The following EHBP1 variants were observed in gnomAD, a reference collection of about 807,000 sequenced individuals.
EHBP1 encodes EH domain-binding protein 1.
In EHBP1, 55 loss-of-function variants were observed where a neutral mutation model predicts 144.0. The ratio of observed to expected loss-of-function variants is 0.38; its 90% CI spans 0.31 to 0.48. The LOEUF (loss-of-function observed/expected upper bound fraction) is 0.48, where lower values mean the gene tolerates loss of function less well. EHBP1 is among the 20% of genes least tolerant of loss of function. The pLI, the probability that EHBP1 is intolerant of heterozygous loss-of-function variation, is 0.98. For missense variants in EHBP1, 1,200 were observed against 1,364.2 expected (o/e 0.88, Z 1.90); for synonymous variants, 469 against 472.7 (o/e 0.99, Z 0.10).
chr2:62,851,410 T>C (rs147030838), intron 7 of EHBP1, among the ~76,000 whole-genome samples: 166 of 152,306 alleles, frequency 1.1e-3, no homozygotes, highest in African/African-American at 3.6e-3. Context: ...TTAATAATCA[T>C]AATGTCTACT....
At chr2:62,851,799 G>A (rs1481631314) in intron 7 of EHBP1, among the ~76,000 whole-genome samples, 3 of 152,142 alleles carry the variant, frequency 2.0e-5, no homozygotes, top group Non-Finnish European at 4.4e-5. Context: ...AGAAGTTCTA[G>A]GAGTGAAGTA....
intron 19 of EHBP1, among the ~76,000 whole-genome samples, chr2:63,027,754 A>G (rs1363729393): frequency 1.3e-5 from 2 of 152,192 alleles, no homozygotes; most frequent in Non-Finnish European, 1.5e-5. Context: ...TTTATAATCA[A>G]AAAACATTGA....
chr2:62,958,740 A>T (rs922918277), intron 14 of EHBP1, among the ~76,000 whole-genome samples: 1 of 152,238 alleles, frequency 6.6e-6, no homozygotes, highest in Non-Finnish European at 1.5e-5. Context: ...TTACAAGAAC[A>T]TTAAAAATAC....
chr2:63,002,424 A>T lies in EHBP1; in HGVS notation c.3103+5658A>T, dbSNP rs2059884908. 2.6e-5 allele frequency among the ~76,000 whole-genome samples: 4 copies of T among 152,254 alleles called. No individual in the cohort carries two copies. The South Asian group carries it at 8.3e-4, about 32-fold the overall frequency. ...GATCTTGATCTTTTTCAATACAAAA[A>T]TGTAATCTCAGCTATTTAAAAAAGT... On this transcript the variant is annotated intron_variant, in intron 19 of 22. Coordinates refer to ENST00000431489, the MANE Select transcript of EHBP1 (RefSeq NM_001142616.3).
intron 17 of EHBP1, 65 bp from the exon 18 acceptor site, chr2:62,993,806 C>T (rs918793888): frequency 7.9e-5 from 102 of 1,291,278 alleles, no homozygotes; most frequent in Non-Finnish European, 9.8e-5. Context: ...TGTAAATTCA[C>T]ATTTCAATAC....
At chr2:62,975,265 T>C (rs767233908) in intron 14 of EHBP1, among the ~76,000 whole-genome samples, 7 of 152,084 alleles carry the variant, frequency 4.6e-5, no homozygotes, top group Non-Finnish European at 1.0e-4. Context: ...GCAGAAAGGG[T>C]ATGGCCTTTT....
At chr2:62,746,998 A>G (rs116292022) in intron 2 of EHBP1, among the ~76,000 whole-genome samples, 1 of 152,112 alleles carries the variant, frequency 6.6e-6, no homozygotes. Context: ...TAGTGAATTC[A>G]TAGATTTAAA....
chr2:62,898,086 G>A (rs1439881441), intron 10 of EHBP1, among the ~76,000 whole-genome samples: 2 of 152,146 alleles, frequency 1.3e-5, no homozygotes, highest in Admixed American at 1.3e-4. Context: ...GGAGAGAGAG[G>A]AGATGACCAG....
Position 62,948,923 on chromosome 2 carries a change from A to G in EHBP1, c.2077A>G (p.Ile693Val), listed in dbSNP as rs1044927363. Residue 693 changes from isoleucine to valine, a missense_variant, in exon 13 of 23, where the codon ATC becomes GTC. By Grantham distance (29) the Ile-to-Val change is conservative. Around this residue, in one of 6 missense-constraint regions of EHBP1, gnomAD observed 543 missense variants for 513.1 expected, o/e 1.06. Coordinates refer to ENST00000431489, the MANE Select transcript of EHBP1 (RefSeq NM_001142616.3). ...TDEQKLQTLD[I>V]GSNLEKEKLE... ...TGAACAAAAGCTTCAAACTCTAGAC[A>G]TCGGTAGTAACTTGGAGAAAGAAAA... is the stretch of plus-strand genomic sequence containing the variant. 16 of 1,613,994 alleles carry G rather than the reference A, an allele frequency of 9.9e-6. No individual in the cohort carries two copies. The African/African-American group carries it at 1.3e-4, about 13-fold the overall frequency.
chr2:62,750,507 C>G (rs1401805231), intron 3 of EHBP1, among the ~76,000 whole-genome samples: 1 of 152,172 alleles, frequency 6.6e-6, no homozygotes, highest in African/African-American at 2.4e-5. Flanking sequence ...GTAGTTTTTT[C>G]CAATTCTGTG....
At chr2:62,960,857 C>G (rs1030852048) in intron 14 of EHBP1, among the ~76,000 whole-genome samples, 2 of 152,196 alleles carry the variant, frequency 1.3e-5, no homozygotes, top group African/African-American at 2.4e-5. Flanking sequence ...CACTTGGGTA[C>G]TTAAGCTTAT....
chr2:62,754,776 A>T (rs1194279025), intron 3 of EHBP1, among the ~76,000 whole-genome samples: 1 of 151,962 alleles, frequency 6.6e-6, no homozygotes. Flanking sequence ...TGGGCGTGGG[A>T]CCCTCCGAGC....
intron 9 of EHBP1, among the ~76,000 whole-genome samples, chr2:62,869,485 T>TTGCAAGATCATTA: frequency 6.6e-6 from 1 of 152,182 alleles, no homozygotes; most frequent in African/African-American, 2.4e-5. Flanking sequence ...TGTTGGTAAA[T>TTGCAAGATCATTA]TGCAAGATCA....
At chr2:62,856,126 C>T (rs906716462) in intron 7 of EHBP1, among the ~76,000 whole-genome samples, 1 of 152,200 alleles carries the variant, frequency 6.6e-6, no homozygotes, top group African/African-American at 2.4e-5. Context: ...GTACCTCATT[C>T]TTCCTGGTTG....
At chr2:62,835,848 C>T (rs1459974336) in intron 7 of EHBP1, among the ~76,000 whole-genome samples, 4 of 152,126 alleles carry the variant, frequency 2.6e-5, no homozygotes, top group African/African-American at 7.2e-5. Context: ...CCTACGCCCA[C>T]GGAATCTGGC....
At chr2:62,849,255 C>T (rs2048511231) in intron 7 of EHBP1, among the ~76,000 whole-genome samples, 1 of 152,050 alleles carries the variant, frequency 6.6e-6, no homozygotes. Context: ...TGCCCTGAGA[C>T]TGCATTGCTG....
At chr2:62,920,673 CTTT>C (rs1031006755) in intron 10 of EHBP1, among the ~76,000 whole-genome samples, 3 of 149,252 alleles carry the variant, frequency 2.0e-5, no homozygotes, top group African/African-American at 7.4e-5. Context: ...TTTTTTTTTT[CTTT>C]TTTTGAGACA....
At chr2:62,749,248 T>C (rs2152184142) in intron 3 of EHBP1, among the ~76,000 whole-genome samples, 1 of 152,306 alleles carries the variant, frequency 6.6e-6, no homozygotes, top group African/African-American at 2.4e-5. Context: ...TGGTTTTTTG[T>C]CCTTAAGATA....
In EHBP1 at chr2:63,000,406, A is replaced by G. The variant is rs1435148374; in HGVS notation, c.3103+3640A>G. Among the ~76,000 whole-genome samples, 7 of 151,272 alleles carry G rather than the reference A, an allele frequency of 4.6e-5. No homozygotes were observed. The East Asian group carries it at 9.8e-4, about 21-fold the overall frequency. On this transcript the variant is annotated intron_variant, in intron 19 of 22. Coordinates refer to ENST00000431489, the MANE Select transcript of EHBP1 (RefSeq NM_001142616.3). ...TGTGTTTTTTTTTTTCTTTTAAACTATATTTCAGGCCGGGTGTAGTGGCTC... is the reference window on the plus strand; with the variant it reads ...TGTGTTTTTTTTTTTCTTTTAAACTGTATTTCAGGCCGGGTGTAGTGGCTC...
Sources: allele counts gnomAD v4.1 joint callset (sites outside exome capture counted in the v4.1 genomes callset), GRCh38; gene constraint gnomAD v4.1.1; regional missense constraint gnomAD v4.1.1; transcripts MANE v1.5; gene names NCBI Gene and HGNC (gene_info 2026-07-23, HGNC 2026-07-21).